Variants in RGS6 observed in about 807,000 individuals in gnomAD.
The protein encoded by RGS6 is regulator of G-protein signaling 6.
A neutral mutation model predicts 78.5 loss-of-function variants in RGS6; 30 were observed. The observed-to-expected ratio is 0.38, with a 90% CI of 0.29 to 0.52. RGS6 has a LOEUF of 0.52. Among genes scored for constraint, RGS6 ranks in the 20% least tolerant of loss-of-function variants. The probability of loss-of-function intolerance (pLI) is 0.85; values close to 1 mark genes in which losing one functional copy is unlikely to be tolerated. For missense variants in RGS6, 495 were observed against 609.7 expected, an observed-to-expected ratio of 0.81 and a Z score of 1.98; for synonymous variants, 206 against 206.0, an observed-to-expected ratio of 1.00 and a Z score of 0.00.
intron 3 of RGS6, among the ~76,000 whole-genome samples, chr14:72,412,803 G>A (rs2093519102): frequency 6.6e-6 from 1 of 152,064 alleles, no homozygotes; most frequent in Non-Finnish European, 1.5e-5. Context: ...ACATCTTTAT[G>A]TCTGCCTTCA....
chr14:71,984,839 A>G (rs1201516171), intron 2 of RGS6, among the ~76,000 whole-genome samples: 2 of 152,148 alleles, frequency 1.3e-5, no homozygotes, highest in African/African-American at 4.8e-5. Flanking sequence ...TTTTTTTTCC[A>G]TTCCTCTTCA....
chr14:72,092,001 CTTTTG>C (rs10595733), intron 2 of RGS6, among the ~76,000 whole-genome samples: 36,601 of 150,590 alleles, frequency 0.24, 5,273 homozygotes, highest in Non-Finnish European at 0.33. Flanking sequence ...TAGCTTCAGC[CTTTTG>C]TTTTGTTTTG....
At chr14:71,912,462 A>G in the RGS6 span, among the ~76,000 whole-genome samples, 377 of 152,322 alleles carry the variant, frequency 2.5e-3, no homozygotes, top group Non-Finnish European at 3.6e-3. Flanking sequence ...GAAGAGTGTT[A>G]TAGTGTCACT....
At chr14:72,166,871 C>T (rs2096935100) in intron 2 of RGS6, among the ~76,000 whole-genome samples, 1 of 152,294 alleles carries the variant, frequency 6.6e-6, no homozygotes, top group Non-Finnish European at 1.5e-5. Context: ...CCTAATTTTT[C>T]ATGGCAATTT....
the RGS6 span, among the ~76,000 whole-genome samples, chr14:71,921,194 C>CA: frequency 6.6e-6 from 1 of 151,894 alleles, no homozygotes; most frequent in East Asian, 1.9e-4. Flanking sequence ...ATTGAAAAGA[C>CA]AAAAAATAAG....
chr14:72,077,717 T>C (rs2094635751), intron 2 of RGS6, among the ~76,000 whole-genome samples: 1 of 152,244 alleles, frequency 6.6e-6, no homozygotes, highest in Non-Finnish European at 1.5e-5. Context: ...TTCTGCCCTT[T>C]TGCTAAACAA....
At chr14:71,897,283 C>A in the RGS6 span, among the ~76,000 whole-genome samples, 16 of 152,172 alleles carry the variant, frequency 1.1e-4, no homozygotes, top group African/African-American at 3.6e-4. Flanking sequence ...AGATTTAAAT[C>A]TTGGCTCTAG....
At chr14:72,390,662 G>GA (rs1380063474) in intron 3 of RGS6, among the ~76,000 whole-genome samples, 2 of 152,018 alleles carry the variant, frequency 1.3e-5, no homozygotes, top group Non-Finnish European at 2.9e-5. Flanking sequence ...GTTTAGAGGG[G>GA]AAAAAACCAC....
intron 2 of RGS6, among the ~76,000 whole-genome samples, chr14:72,109,555 A>C (rs2095707591): frequency 6.6e-6 from 1 of 152,228 alleles, no homozygotes; most frequent in African/African-American, 2.4e-5. Flanking sequence ...TGGCTTCTAA[A>C]ATGCAATGCA....
At chr14:72,102,460 CA>C (rs2095547848) in intron 2 of RGS6, among the ~76,000 whole-genome samples, 1 of 152,034 alleles carries the variant, frequency 6.6e-6, no homozygotes, top group South Asian at 2.1e-4. Context: ...TTTTTTTGTG[CA>C]TATTTATTGC....
At chr14:72,193,322 A>G (rs1022264247) in intron 2 of RGS6, among the ~76,000 whole-genome samples, 4 of 152,154 alleles carry the variant, frequency 2.6e-5, no homozygotes, top group African/African-American at 9.7e-5. Flanking sequence ...CCTGAAACCC[A>G]CTGGGGTGAA....
intron 2 of RGS6, among the ~76,000 whole-genome samples, chr14:72,180,502 G>A (rs768039272): frequency 6.6e-5 from 10 of 152,150 alleles, no homozygotes; most frequent in Admixed American, 2.0e-4. Context: ...TCTCAGTCTT[G>A]GGTTATCATA....
intron 2 of RGS6, among the ~76,000 whole-genome samples, chr14:72,008,482 A>G (rs955847828): frequency 3.3e-5 from 5 of 151,388 alleles, no homozygotes; most frequent in Admixed American, 2.6e-4. Context: ...TGACTCCTGG[A>G]CTCACAGAGT....
chr14:72,569,880 C>A (rs1465291539), downstream of RGS6, among the ~76,000 whole-genome samples: 1 of 152,170 alleles, frequency 6.6e-6, no homozygotes, highest in Non-Finnish European at 1.5e-5. Context: ...GTTGGAGGAG[C>A]AGAGCTTAGC....
chr14:72,199,197 G>A (rs1479877324), intron 2 of RGS6, among the ~76,000 whole-genome samples: 1 of 152,220 alleles, frequency 6.6e-6, no homozygotes, highest in Admixed American at 6.5e-5. Flanking sequence ...GCAGTAGTTT[G>A]GGGCTGTGGC....
chr14:71,906,042 C>T, the RGS6 span, among the ~76,000 whole-genome samples: 4 of 152,158 alleles, frequency 2.6e-5, no homozygotes, highest in South Asian at 8.3e-4. Flanking sequence ...AAAATAGTAG[C>T]TCCCTGCTGG....
intron 2 of RGS6, among the ~76,000 whole-genome samples, chr14:72,173,230 A>T (rs1478249838): frequency 6.6e-6 from 1 of 151,966 alleles, no homozygotes; most frequent in East Asian, 1.9e-4. Context: ...TGAGGCTGGA[A>T]GTGCTGCTAA....
At chr14:72,141,156 G>A (rs1414508599) in intron 2 of RGS6, among the ~76,000 whole-genome samples, 1 of 152,138 alleles carries the variant, frequency 6.6e-6, no homozygotes, top group Admixed American at 6.5e-5. Flanking sequence ...ATTGATCAAA[G>A]CCCTCACCTG....
At chr14:71,953,977 T>TTTTTG (rs1555399254) in intron 1 of RGS6, among the ~76,000 whole-genome samples, 19 of 147,874 alleles carry the variant, frequency 1.3e-4, no homozygotes, top group Admixed American at 5.4e-4. Context: ...GCGTTTTTTT[T>TTTTTG]TTTTTTTTTT....
Sources: allele counts gnomAD v4.1 joint callset (sites outside exome capture counted in the v4.1 genomes callset), GRCh38; gene constraint gnomAD v4.1.1; transcripts MANE v1.5; gene names NCBI Gene and HGNC (gene_info 2026-07-23, HGNC 2026-07-21).